The following FMN2 variants were observed in gnomAD, a reference collection of about 807,000 sequenced individuals.
FMN2 encodes formin-2.
A neutral mutation model predicts 142.3 loss-of-function variants in FMN2; 51 were observed. That is an observed-to-expected ratio of 0.36 (90% CI 0.29 to 0.45). FMN2 has a LOEUF of 0.45. Among genes scored for constraint, FMN2 ranks in the 20% least tolerant of loss-of-function variants. The probability of loss-of-function intolerance (pLI) is 1.00; values close to 1 mark genes in which losing one functional copy is unlikely to be tolerated. For synonymous variants in FMN2, 882 were observed against 869.8 expected (o/e 1.01, Z -0.25); for missense variants, 1,936 against 2,122.8 (o/e 0.91, Z 1.73).
intron 8 of FMN2, among the ~76,000 whole-genome samples, chr1:240,326,922 AG>A (rs2103009289): frequency 6.6e-6 from 1 of 152,236 alleles, no homozygotes; most frequent in Non-Finnish European, 1.5e-5. Context: ...ATGTTCTTTT[AG>A]AATATTACCT....
chr1:240,351,550 T>TA (rs1383663253), intron 13 of FMN2, among the ~76,000 whole-genome samples: 2 of 152,220 alleles, frequency 1.3e-5, no homozygotes, highest in South Asian at 4.1e-4. Context: ...GCATTGATGT[T>TA]ACAAATACAG....
intron 3 of FMN2, among the ~76,000 whole-genome samples, chr1:240,187,734 C>T (rs1665539996): frequency 6.6e-6 from 1 of 152,166 alleles, no homozygotes; most frequent in Non-Finnish European, 1.5e-5. Context: ...AGAATCCCTT[C>T]TTACTCAGTG....
intron 2 of FMN2, among the ~76,000 whole-genome samples, chr1:240,138,843 C>T (rs1663062605): frequency 6.6e-6 from 1 of 152,200 alleles, no homozygotes; most frequent in African/African-American, 2.4e-5. Flanking sequence ...TAATTTTCTT[C>T]TCATAATACC....
chr1:240,389,545 T>C (rs916620507), intron 14 of FMN2, among the ~76,000 whole-genome samples: 11 of 152,176 alleles, frequency 7.2e-5, no homozygotes, highest in Non-Finnish European at 1.0e-4. Context: ...CCAAATGATA[T>C]CTTAATTTTC....
intron 6 of FMN2, among the ~76,000 whole-genome samples, chr1:240,222,744 C>A (rs1432024473): frequency 3.9e-5 from 6 of 152,056 alleles, no homozygotes; most frequent in African/African-American, 1.4e-4. Context: ...ATTTTATTCT[C>A]TTTGTAGCAA....
chr1:240,360,167 T>C (rs1014254588), intron 14 of FMN2, among the ~76,000 whole-genome samples: 2 of 152,208 alleles, frequency 1.3e-5, no homozygotes, highest in Non-Finnish European at 2.9e-5. Flanking sequence ...AATTTAGCTT[T>C]CTCTATTTCT....
intron 14 of FMN2, among the ~76,000 whole-genome samples, chr1:240,389,743 G>A (rs1017294125): frequency 1.3e-5 from 2 of 151,992 alleles, no homozygotes; most frequent in Non-Finnish European, 2.9e-5. Context: ...CTTGAGCCTC[G>A]GAGTCTGAGA....
At chr1:240,395,839 A>G (rs1003616105) in intron 15 of FMN2, among the ~76,000 whole-genome samples, 2 of 152,244 alleles carry the variant, frequency 1.3e-5, no homozygotes, top group Admixed American at 1.3e-4. Context: ...AGAATACTAC[A>G]TCAACTTAGT....
intron 6 of FMN2, among the ~76,000 whole-genome samples, chr1:240,222,807 G>T (rs1021340772): frequency 6.6e-6 from 1 of 152,154 alleles, no homozygotes; most frequent in Non-Finnish European, 1.5e-5. Context: ...TATTATTGGT[G>T]TATAGGAATG....
At chr1:240,172,665 G>A (rs1027598075) in intron 2 of FMN2, among the ~76,000 whole-genome samples, 9 of 152,086 alleles carry the variant, frequency 5.9e-5, no homozygotes, top group Admixed American at 2.0e-4. Flanking sequence ...TTAGGGGGGA[G>A]CAATGAATAT....
chr1:240,369,100 C>T (rs1672778834), intron 14 of FMN2, among the ~76,000 whole-genome samples: 1 of 152,128 alleles, frequency 6.6e-6, no homozygotes, highest in Non-Finnish European at 1.5e-5. Flanking sequence ...ATTTATGCTA[C>T]ATAGCTGCGA....
chr1:240,131,224 T>C (rs1662721513), intron 2 of FMN2, among the ~76,000 whole-genome samples: 1 of 152,156 alleles, frequency 6.6e-6, no homozygotes, highest in Admixed American at 6.5e-5. Flanking sequence ...TACAGGCATA[T>C]AGTAAGTGTT....
intron 2 of FMN2, 122 bp downstream of exon 2, chr1:240,123,467 C>A: frequency 1.1e-6 from 1 of 869,684 alleles, no homozygotes; most frequent in Non-Finnish European, 1.6e-6. Flanking sequence ...CATTTTTTTT[C>A]CTTAGCTGCT....
intron 15 of FMN2, among the ~76,000 whole-genome samples, chr1:240,429,525 T>C (rs1344156938): frequency 6.6e-6 from 1 of 152,224 alleles, no homozygotes; most frequent in African/African-American, 2.4e-5. Context: ...TTCCTTTCAG[T>C]GGTTTCTTTT....
intron 14 of FMN2, among the ~76,000 whole-genome samples, chr1:240,390,663 A>G (rs1363831013): frequency 6.6e-6 from 1 of 152,206 alleles, no homozygotes; most frequent in Non-Finnish European, 1.5e-5. Context: ...ATATTTATCT[A>G]TTAAGTTTCT....
chr1:240,351,005 T>C (rs1244729400), intron 13 of FMN2, among the ~76,000 whole-genome samples: 5 of 152,162 alleles, frequency 3.3e-5, no homozygotes, highest in Admixed American at 6.5e-5. Flanking sequence ...CTGTGGGAGA[T>C]TATTCTAAGT....
intron 16 of FMN2, among the ~76,000 whole-genome samples, chr1:240,468,985 G>C (rs1017054969): frequency 8.1e-4 from 123 of 152,262 alleles, no homozygotes; most frequent in African/African-American, 2.8e-3. Flanking sequence ...TCAGAGTTTT[G>C]TTGAAATAAA....
At chr1:240,206,681 C>T (rs2103384712) in intron 4 of FMN2, 118 bp from the exon 5 acceptor site, 2 of 1,219,322 alleles carry the variant, frequency 1.6e-6, no homozygotes, top group East Asian at 2.5e-5. Flanking sequence ...TACCATCTTT[C>T]TGTCAAGGAG....
chr1:240,240,911 CA>C (rs2102867389), intron 6 of FMN2, among the ~76,000 whole-genome samples: 1 of 152,094 alleles, frequency 6.6e-6, no homozygotes, highest in Admixed American at 6.5e-5. Context: ...GCTAGACTGG[CA>C]AAAAGATATG....
Sources: gnomAD v4.1 joint callset for allele counts (sites outside exome capture counted in the v4.1 genomes callset) on GRCh38, gnomAD v4.1.1 for gene constraint, MANE v1.5 for transcripts, NCBI Gene and HGNC (gene_info 2026-07-23, HGNC 2026-07-21) for gene names.